Variants in NR3C2 observed in about 807,000 individuals in gnomAD.
NR3C2 encodes nuclear receptor subfamily 3 group C member 2.
Under a neutral mutation model 86.4 loss-of-function variants are expected in NR3C2, and 15 were observed. The observed-to-expected ratio is 0.17, with a 90% CI of 0.12 to 0.27. NR3C2 has a LOEUF of 0.27. NR3C2 is among the 10% of genes least tolerant of loss of function. The probability of loss-of-function intolerance (pLI) is 1.00; values close to 1 mark genes in which losing one functional copy is unlikely to be tolerated. For missense variants in NR3C2, 960 were observed against 1,195.6 expected, an observed-to-expected ratio of 0.80 and a Z score of 2.91; for synonymous variants, 458 against 450.5, an observed-to-expected ratio of 1.02 and a Z score of -0.21.
chr4:148,322,260 A>G (rs1440866260), intron 2 of NR3C2, among the ~76,000 whole-genome samples: 1 of 149,582 alleles, frequency 6.7e-6, no homozygotes, highest in African/African-American at 2.5e-5. Flanking sequence ...TGTTAGTCTG[A>G]TGGGCTTCCC....
At chr4:148,267,440 G>A (rs1363831533) in intron 2 of NR3C2, among the ~76,000 whole-genome samples, 2 of 151,966 alleles carry the variant, frequency 1.3e-5, no homozygotes, top group African/African-American at 4.8e-5. Flanking sequence ...TCTTAATGGT[G>A]GCTGCCATAA....
At chr4:148,364,667 C>A (rs1052861692) in intron 2 of NR3C2, among the ~76,000 whole-genome samples, 1 of 152,164 alleles carries the variant, frequency 6.6e-6, no homozygotes, top group African/African-American at 2.4e-5. Context: ...TTTGTTTTAT[C>A]TTTATAATAC....
intron 2 of NR3C2, among the ~76,000 whole-genome samples, chr4:148,324,911 CAT>C (rs1186965245): frequency 2.0e-5 from 3 of 152,140 alleles, no homozygotes; most frequent in Non-Finnish European, 4.4e-5. Flanking sequence ...AAATTAAAGA[CAT>C]AGCAAAATAT....
intron 2 of NR3C2, among the ~76,000 whole-genome samples, chr4:148,333,161 C>T (rs1744311604): frequency 1.3e-5 from 2 of 152,182 alleles, no homozygotes; most frequent in South Asian, 2.1e-4. Context: ...GTCCCAGCTA[C>T]TCACGAGGCT....
chr4:148,098,990 C>T (rs903851733), intron 8 of NR3C2, among the ~76,000 whole-genome samples: 1 of 152,116 alleles, frequency 6.6e-6, no homozygotes, highest in African/African-American at 2.4e-5. Flanking sequence ...AGTCCCTTGT[C>T]TGCCTGAATT....
intron 8 of NR3C2, among the ~76,000 whole-genome samples, chr4:148,105,569 A>AC (rs1470697596): frequency 1.3e-5 from 2 of 152,008 alleles, no homozygotes; most frequent in African/African-American, 4.8e-5. Flanking sequence ...GCAGAGACAC[A>AC]ACAAAAAAAG....
chr4:148,397,050 A>C (rs2126515331), intron 2 of NR3C2, among the ~76,000 whole-genome samples: 1 of 152,330 alleles, frequency 6.6e-6, no homozygotes, highest in African/African-American at 2.4e-5. Context: ...AACCCTATTG[A>C]AATTTGAAGT....
At chr4:148,258,159 C>T (rs1739919154) in intron 3 of NR3C2, among the ~76,000 whole-genome samples, 1 of 152,248 alleles carries the variant, frequency 6.6e-6, no homozygotes, top group Admixed American at 6.5e-5. Flanking sequence ...AGCTGGCCAA[C>T]TGCCTGCTCC....
chr4:148,140,350 C>T (rs1227125896), intron 6 of NR3C2, among the ~76,000 whole-genome samples: 1 of 152,108 alleles, frequency 6.6e-6, no homozygotes, highest in Non-Finnish European at 1.5e-5. Context: ...GCCTAGGTGA[C>T]AGAGTGAAGC....
intron 3 of NR3C2, among the ~76,000 whole-genome samples, chr4:148,254,110 G>C (rs969079571): frequency 6.6e-6 from 1 of 151,946 alleles, no homozygotes; most frequent in Admixed American, 6.6e-5. Flanking sequence ...TGATAGCCCT[G>C]GTCTAGGTCC....
intron 2 of NR3C2, among the ~76,000 whole-genome samples, chr4:148,299,480 C>A (rs1266992044): frequency 6.6e-6 from 1 of 152,176 alleles, no homozygotes; most frequent in Non-Finnish European, 1.5e-5. Flanking sequence ...CAGCCACAGA[C>A]ATGCGTGGGA....
intron 8 of NR3C2, among the ~76,000 whole-genome samples, chr4:148,095,081 G>C (rs1731222335): frequency 6.6e-6 from 1 of 152,232 alleles, no homozygotes; most frequent in African/African-American, 2.4e-5. Flanking sequence ...TTCTGTGATG[G>C]ATGGTGGTGA....
chr4:148,319,518 G>A (rs1446648496), intron 2 of NR3C2, among the ~76,000 whole-genome samples: 1 of 149,956 alleles, frequency 6.7e-6, no homozygotes, highest in African/African-American at 2.5e-5. Context: ...AGCATGGAAT[G>A]TTCTTCCATT....
chr4:148,273,997 C>T (rs1161327233), intron 2 of NR3C2, among the ~76,000 whole-genome samples: 3 of 151,114 alleles, frequency 2.0e-5, no homozygotes, highest in Admixed American at 2.0e-4. Flanking sequence ...GCCAGCTTCA[C>T]ACTAGGAGCA....
chr4:148,306,796 T>A (rs899745056), intron 2 of NR3C2, among the ~76,000 whole-genome samples: 21 of 152,342 alleles, frequency 1.4e-4, no homozygotes, highest in African/African-American at 5.1e-4. Flanking sequence ...ATAAATATGC[T>A]GTAAAACATT....
intron 2 of NR3C2, among the ~76,000 whole-genome samples, chr4:148,318,238 G>T (rs1743329332): frequency 6.6e-6 from 1 of 150,408 alleles, no homozygotes. Context: ...GTATTCCATG[G>T]TGTATATGTG....
intron 2 of NR3C2, among the ~76,000 whole-genome samples, chr4:148,318,032 C>T (rs1340024094): frequency 2.4e-5 from 3 of 126,872 alleles, no homozygotes; most frequent in Non-Finnish European, 4.9e-5. Context: ...CCCCTCCCCC[C>T]ACCCCACAAC....
intron 2 of NR3C2, among the ~76,000 whole-genome samples, chr4:148,369,788 T>G (rs1334062752): frequency 6.6e-6 from 1 of 152,098 alleles, no homozygotes; most frequent in Non-Finnish European, 1.5e-5. Context: ...AACTGTTTTG[T>G]AGAAGGAAAG....
At chr4:148,101,473 G>A (rs1440573400) in intron 8 of NR3C2, among the ~76,000 whole-genome samples, 2 of 152,216 alleles carry the variant, frequency 1.3e-5, no homozygotes, top group African/African-American at 4.8e-5. Flanking sequence ...AAGGTGTAAT[G>A]TGAAAGTGAT....
Sources: gnomAD v4.1 joint callset for allele counts (sites outside exome capture counted in the v4.1 genomes callset) on GRCh38, gnomAD v4.1.1 for gene constraint, MANE v1.5 for transcripts, NCBI Gene and HGNC (gene_info 2026-07-23, HGNC 2026-07-21) for gene names.